SMARCA2: variants seen among roughly 807,000 people sequenced by gnomAD.
SMARCA2 encodes the protein SWI/SNF related BAF chromatin remodeling complex subunit ATPase 2, also known as SWI/SNF-related matrix-associated actin-dependent regulator of chromatin subfamily A member 2.
SMARCA2 carries 61 observed loss-of-function variants against 199.8 expected under a neutral mutation model. That is an observed-to-expected ratio of 0.31 (90% confidence interval 0.25 to 0.38). The LOEUF (loss-of-function observed/expected upper bound fraction) is 0.38. Among genes scored for constraint, SMARCA2 ranks in the 10% least tolerant of loss-of-function variants. The pLI is 1.00. For missense variants in SMARCA2, 1,344 were observed against 2,012.2 expected (o/e 0.67, Z 6.35); for synonymous variants, 935 against 732.0 (o/e 1.28, Z -4.48).
intron 27 of SMARCA2, chr9:2,160,768 TC>T (rs895296554): frequency 5.4e-5 from 22 of 406,552 alleles, no homozygotes; most frequent in African/African-American, 4.5e-4. Flanking sequence ...AATTTAAAGA[TC>T]TTTTTTTTAG....
At chr9:2,058,155 C>T (rs1287285323) in intron 7 of SMARCA2, 136 bp from the exon 8 acceptor site, 7 of 747,484 alleles carry the variant, frequency 9.4e-6, no homozygotes, top group East Asian at 5.0e-5. Context: ...CACCAGGGCA[C>T]CTATCCCCAA....
chr9:2,068,924 T>G (rs547438700), intron 9 of SMARCA2: 50 of 145,936 alleles, frequency 3.4e-4, no homozygotes, highest in African/African-American at 1.2e-3. Flanking sequence ...TAACCTTTTG[T>G]TTTTTTTTTT....
At chr9:2,018,622 C>G (rs1420499268) in intron 1 of SMARCA2, among the ~76,000 whole-genome samples, 1 of 152,210 alleles carries the variant, frequency 6.6e-6, no homozygotes, top group African/African-American at 2.4e-5. Context: ...TTAAAATTTA[C>G]ACCTGGTTGT....
intron 27 of SMARCA2, among the ~76,000 whole-genome samples, chr9:2,154,679 C>G (rs748068743): frequency 1.5e-4 from 23 of 152,226 alleles, no homozygotes; most frequent in South Asian, 2.1e-4. Flanking sequence ...CTCACACATT[C>G]ATGAAGGTGC....
intron 27 of SMARCA2, among the ~76,000 whole-genome samples, chr9:2,154,753 T>A (rs1825256582): frequency 6.6e-6 from 1 of 152,258 alleles, no homozygotes; most frequent in African/African-American, 2.4e-5. Context: ...GTATTTTATC[T>A]GTCTTAAAAG....
intron 20 of SMARCA2, 44 bp from the exon 21 acceptor site, chr9:2,097,341 C>T (rs961113799): frequency 2.4e-6 from 3 of 1,234,952 alleles, no homozygotes; most frequent in Non-Finnish European, 3.6e-6. Flanking sequence ...AATGTCTGAC[C>T]AGTTAATAAT....
intron 27 of SMARCA2, among the ~76,000 whole-genome samples, chr9:2,132,369 GCT>G (rs1457478479): frequency 6.6e-6 from 1 of 152,122 alleles, no homozygotes; most frequent in Non-Finnish European, 1.5e-5. Context: ...GAATCACTCA[GCT>G]CTGTTTCTCC....
At chr9:2,137,611 C>T (rs1279635826) in intron 27 of SMARCA2, among the ~76,000 whole-genome samples, 1 of 152,186 alleles carries the variant, frequency 6.6e-6, no homozygotes, top group Non-Finnish European at 1.5e-5. Flanking sequence ...GTCATATCAC[C>T]TATGTTAACT....
At chr9:2,036,100 T>A (rs1322699514) in intron 3 of SMARCA2, among the ~76,000 whole-genome samples, 1 of 152,194 alleles carries the variant, frequency 6.6e-6, no homozygotes, top group Non-Finnish European at 1.5e-5. Flanking sequence ...ATTGTGTACC[T>A]TATGGTCCCA....
At chr9:2,072,954 C>G (rs750214031) in intron 10 of SMARCA2, 19 of 434,690 alleles carry the variant, frequency 4.4e-5, no homozygotes, top group Admixed American at 2.0e-4. Context: ...TAGCTCTTAA[C>G]TCACAACCTT....
intron 3 of SMARCA2, among the ~76,000 whole-genome samples, chr9:2,037,103 C>T (rs1819369299): frequency 1.3e-5 from 2 of 152,174 alleles, no homozygotes; most frequent in African/African-American, 4.8e-5. Flanking sequence ...ATGGTAGACT[C>T]AGTGCTGGCC....
chr9:2,170,287 G>GTCT lies in SMARCA2; in HGVS notation c.4200-131_4200-130insCTT, dbSNP rs200984433. The GTCT allele has an allele frequency of 1.3e-3, 1,404 of 1,099,788 alleles. 15 individuals are homozygous for GTCT. The African/African-American group carries it at 0.019, about 15-fold the overall frequency. 68.1% of individuals were successfully genotyped at this position (1,099,788 alleles called of 1,614,324 possible). ...AATGAGGTTCCAAACATAACCCCGT[G>GTCT]TAATCTTCCTAACAAGGCAGGTTGG... is the stretch of plus-strand genomic sequence containing the variant. On this transcript the variant is annotated intron_variant, in intron 28 of 33. Coordinates refer to ENST00000349721, the MANE Select transcript of SMARCA2 (RefSeq NM_003070.5). The surrounding 1 kb of genome is among the most constrained non-coding windows in gnomAD (Gnocchi z 4.7).
intron 13 of SMARCA2, among the ~76,000 whole-genome samples, chr9:2,077,332 G>A (rs1311135926): frequency 2.0e-5 from 3 of 152,050 alleles, no homozygotes; most frequent in Non-Finnish European, 4.4e-5. Context: ...GGGTCAAGGG[G>A]GCCTGCATTC....
At chr9:2,185,857 TC>T (rs1827405918) in intron 31 of SMARCA2, among the ~76,000 whole-genome samples, 1 of 152,226 alleles carries the variant, frequency 6.6e-6, no homozygotes, top group Non-Finnish European at 1.5e-5. Context: ...TCTACTATTC[TC>T]CTCCAAGCAT....
chr9:2,019,317 G>C (rs1162119113), intron 1 of SMARCA2, among the ~76,000 whole-genome samples: 1 of 152,168 alleles, frequency 6.6e-6, no homozygotes, highest in Non-Finnish European at 1.5e-5. Flanking sequence ...ACTTATATCA[G>C]TAACAGCCCA....
At chr9:2,156,370 T>G (rs1327726435) in intron 27 of SMARCA2, among the ~76,000 whole-genome samples, 1 of 151,610 alleles carries the variant, frequency 6.6e-6, no homozygotes, top group Non-Finnish European at 1.5e-5. Context: ...TTTCAGGGAC[T>G]TTTTTTTCTT....
intron 29 of SMARCA2, among the ~76,000 whole-genome samples, chr9:2,179,346 C>T (rs1383347335): frequency 6.6e-6 from 1 of 152,170 alleles, no homozygotes; most frequent in South Asian, 2.1e-4. Flanking sequence ...AGATAACTTC[C>T]AGGTCCTCCT....
chr9:2,175,267 C>G (rs540462007), intron 29 of SMARCA2, among the ~76,000 whole-genome samples: 1 of 152,078 alleles, frequency 6.6e-6, no homozygotes, highest in African/African-American at 2.4e-5. Context: ...TGATAGCTGA[C>G]AAATCTACTC....
intron 31 of SMARCA2, among the ~76,000 whole-genome samples, chr9:2,183,386 A>G (rs1485107526): frequency 6.6e-6 from 1 of 152,222 alleles, no homozygotes; most frequent in African/African-American, 2.4e-5. Flanking sequence ...GAGTATATAA[A>G]TGAACTGAAT....
Sources: allele counts gnomAD v4.1 joint callset (sites outside exome capture counted in the v4.1 genomes callset), GRCh38; gene constraint gnomAD v4.1.1; non-coding constraint Gnocchi (gnomAD v3.1); transcripts MANE v1.5; gene names NCBI Gene and HGNC (gene_info 2026-07-23, HGNC 2026-07-21).